The following CACHD1 variants were observed in gnomAD, a reference collection of about 807,000 sequenced individuals.
CACHD1 encodes VWFA and cache domain-containing protein 1.
CACHD1 carries 71 observed loss-of-function variants against 138.7 expected under a neutral mutation model. The observed-to-expected ratio is 0.51, with a 90% confidence interval of 0.42 to 0.62. The LOEUF (loss-of-function observed/expected upper bound fraction) is 0.62, where lower values mean the gene tolerates loss of function less well. CACHD1 is among the 20% of genes least tolerant of loss of function. CACHD1 has a pLI of 0.00. For synonymous variants in CACHD1, 578 were observed against 591.5 expected, an observed-to-expected ratio of 0.98 and a Z score of 0.33; for missense variants, 1,389 against 1,625.3, an observed-to-expected ratio of 0.85 and a Z score of 2.50.
At chr1:64,527,327 A>C (rs1452732815) in intron 1 of CACHD1, among the ~76,000 whole-genome samples, 5 of 152,222 alleles carry the variant, frequency 3.3e-5, no homozygotes, top group Admixed American at 1.3e-4. Flanking sequence ...TTTACATTTC[A>C]GTCCTGAAAC....
intron 1 of CACHD1, among the ~76,000 whole-genome samples, chr1:64,542,269 C>CT (rs1375100667): frequency 1.3e-5 from 2 of 152,098 alleles, no homozygotes; most frequent in Admixed American, 1.3e-4. Context: ...TGTACCTGGG[C>CT]GTACAGTTTG....
intron 2 of CACHD1, among the ~76,000 whole-genome samples, chr1:64,574,222 C>T (rs1051300296): frequency 1.2e-4 from 18 of 152,142 alleles, no homozygotes; most frequent in Non-Finnish European, 2.9e-5. Flanking sequence ...TTACTCAGCA[C>T]GAGCTTGGGC....
intron 1 of CACHD1, among the ~76,000 whole-genome samples, chr1:64,488,015 G>C (rs7523911): frequency 0.015 from 2,271 of 152,178 alleles, 68 homozygotes; most frequent in African/African-American, 0.052. Context: ...TCAATTCTTT[G>C]ACCAATCTCT....
At chr1:64,555,163 A>G (rs1395617956) in intron 2 of CACHD1, among the ~76,000 whole-genome samples, 1 of 151,708 alleles carries the variant, frequency 6.6e-6, no homozygotes, top group African/African-American at 2.4e-5. Flanking sequence ...TCATTTTTGT[A>G]TTTTTTGTGG....
At chr1:64,503,610 G>A (rs901199931) in intron 1 of CACHD1, among the ~76,000 whole-genome samples, 2 of 152,116 alleles carry the variant, frequency 1.3e-5, no homozygotes, top group African/African-American at 4.8e-5. Context: ...TTTGTTAGAA[G>A]GATGAAAAAG....
chr1:64,572,036 C>A (rs1011166827), intron 2 of CACHD1, among the ~76,000 whole-genome samples: 6 of 152,168 alleles, frequency 3.9e-5, no homozygotes, highest in Non-Finnish European at 8.8e-5. Flanking sequence ...TAGGAAGTGA[C>A]TGGGTTTGCT....
At chr1:64,613,874 A>G (rs920295770) in intron 4 of CACHD1, among the ~76,000 whole-genome samples, 5 of 152,090 alleles carry the variant, frequency 3.3e-5, no homozygotes, top group African/African-American at 1.2e-4. Flanking sequence ...CACAATCTCT[A>G]GCTCCAGACC....
intron 1 of CACHD1, among the ~76,000 whole-genome samples, chr1:64,537,369 G>A (rs1331956506): frequency 6.6e-6 from 1 of 152,168 alleles, no homozygotes; most frequent in Non-Finnish European, 1.5e-5. Flanking sequence ...CTTGGCGTGT[G>A]CGTCCAAAAC....
At position 64,470,129 on chromosome 1, in the gene CACHD1, A is replaced by C. The variant is rs538776195; in HGVS notation, c.-616A>C. ...ATCACCGCAGCCGCCGCGGCGGCCC[A>C]GCCGGGAAGTGCACAGAGCCGGAGC... On this transcript the variant is annotated 5_prime_UTR_variant, in exon 1 of 27. Coordinates refer to ENST00000651257, the MANE Select transcript of CACHD1 (RefSeq NM_020925.4). The surrounding 1 kb of genome is among the most constrained non-coding windows in gnomAD (Gnocchi z 5.2). Among the ~76,000 whole-genome samples the C allele has an allele frequency of 4.6e-5, 7 of 151,872 alleles. No individual in the cohort carries two copies. The South Asian group carries it at 1.5e-3, about 32-fold the overall frequency.
At chr1:64,577,552 A>C (rs1373354207) in intron 2 of CACHD1, among the ~76,000 whole-genome samples, 1 of 152,138 alleles carries the variant, frequency 6.6e-6, no homozygotes, top group Non-Finnish European at 1.5e-5. Context: ...TCCCAGCCCT[A>C]CCACTTACTA....
At chr1:64,644,154 G>A (rs1264253380) in intron 8 of CACHD1, among the ~76,000 whole-genome samples, 1 of 152,254 alleles carries the variant, frequency 6.6e-6, no homozygotes, top group African/African-American at 2.4e-5. Flanking sequence ...AGTGGGTGAG[G>A]GTGCCTGGGC....
intron 1 of CACHD1, among the ~76,000 whole-genome samples, chr1:64,503,016 A>C (rs1003505855): frequency 4.6e-5 from 7 of 152,266 alleles, no homozygotes; most frequent in African/African-American, 1.7e-4. Context: ...AAAAGGCAAC[A>C]GCAAGTATTC....
At chr1:64,537,468 T>C (rs776528330) in intron 1 of CACHD1, among the ~76,000 whole-genome samples, 2 of 152,196 alleles carry the variant, frequency 1.3e-5, no homozygotes, top group South Asian at 2.1e-4. Flanking sequence ...AATCACTTTC[T>C]CAAGGACCCA....
At chr1:64,578,025 C>T (rs1057005015) in intron 2 of CACHD1, among the ~76,000 whole-genome samples, 3 of 152,178 alleles carry the variant, frequency 2.0e-5, no homozygotes, top group Non-Finnish European at 2.9e-5. Context: ...GTTCCACAGC[C>T]AGCCCAGAGT....
intron 9 of CACHD1, 118 bp downstream of exon 9, chr1:64,648,152 C>T (rs1648974909): frequency 1.4e-6 from 1 of 723,292 alleles, no homozygotes; most frequent in African/African-American, 1.8e-5. Context: ...TCCTATATCT[C>T]TGTATTGTAC....
Position 64,654,916 on chromosome 1 carries a change from T to C in CACHD1, c.1782+113T>C, listed in dbSNP as rs1013338336. 2.1e-5 allele frequency: 15 copies of C among 727,500 alleles called. No individual in the cohort carries two copies. In the East Asian group the frequency reaches 2.5e-4, roughly 12 times the overall value. The allele number at this position is 727,500 out of a possible 1,614,324, so 45.1% of individuals were successfully genotyped here. A position where few individuals can be genotyped will look rare whatever the true frequency, so the allele number is the denominator to read the frequency against. On this transcript the variant is annotated intron_variant, in intron 12 of 26. Coordinates refer to ENST00000651257, the MANE Select transcript of CACHD1 (RefSeq NM_020925.4). ...TTGGGTCTGATAATTTGTCTCGTAA[T>C]GTGACTAATCAGTTTTTAAAGTGAT...
At chr1:64,566,809 G>A (rs987840038) in intron 2 of CACHD1, among the ~76,000 whole-genome samples, 2 of 151,536 alleles carry the variant, frequency 1.3e-5, no homozygotes, top group African/African-American at 2.4e-5. Context: ...TAATTGGGAT[G>A]CTCTTTAAAG....
intron 2 of CACHD1, among the ~76,000 whole-genome samples, chr1:64,572,225 C>T (rs909306158): frequency 1.3e-5 from 2 of 152,138 alleles, no homozygotes; most frequent in East Asian, 3.9e-4. Flanking sequence ...CTTCCCAATT[C>T]TCAGCTTCTC....
intron 7 of CACHD1, among the ~76,000 whole-genome samples, chr1:64,634,634 C>T (rs1326713995): frequency 6.6e-6 from 1 of 152,096 alleles, no homozygotes; most frequent in African/African-American, 2.4e-5. Flanking sequence ...ATCCACCTGC[C>T]TTTGCCTCCC....
Sources: gnomAD v4.1 joint callset for allele counts (sites outside exome capture counted in the v4.1 genomes callset) on GRCh38, gnomAD v4.1.1 for gene constraint, Gnocchi (gnomAD v3.1) non-coding constraint, MANE v1.5 for transcripts, NCBI Gene and HGNC (gene_info 2026-07-23, HGNC 2026-07-21) for gene names.